The following CNTN5 variants were observed in gnomAD, a reference collection of about 807,000 sequenced individuals.
CNTN5 encodes the protein contactin 5, also known as contactin-5.
CNTN5 carries 77 observed loss-of-function variants against 129.1 expected under a neutral mutation model. That is an observed-to-expected ratio of 0.60 (90% CI 0.50 to 0.72). The LOEUF (loss-of-function observed/expected upper bound fraction) is 0.72, where lower values mean the gene tolerates loss of function less well. CNTN5 is among the 30% of genes least tolerant of loss of function. The pLI is 0.00. For missense variants in CNTN5, 1,478 were observed against 1,328.8 expected, an observed-to-expected ratio of 1.11 and a Z score of -1.75; for synonymous variants, 509 against 465.6, an observed-to-expected ratio of 1.09 and a Z score of -1.20.
intron 6 of CNTN5, among the ~76,000 whole-genome samples, chr11:99,890,104 G>T (rs1309217518): frequency 2.0e-5 from 3 of 151,866 alleles, no homozygotes; most frequent in Non-Finnish European, 4.4e-5. Context: ...ACTTATGTTG[G>T]GTTTCCCCTC....
chr11:99,750,527 A>C (rs1023456347), intron 3 of CNTN5, among the ~76,000 whole-genome samples: 1 of 148,262 alleles, frequency 6.7e-6, no homozygotes, highest in Admixed American at 6.9e-5. Flanking sequence ...TCTGAGAGCT[A>C]AGATAGAAGA....
At chr11:99,347,138 C>T (rs1367817951) in intron 2 of CNTN5, among the ~76,000 whole-genome samples, 3 of 152,152 alleles carry the variant, frequency 2.0e-5, no homozygotes, top group Admixed American at 1.3e-4. Context: ...TCCCTGATTC[C>T]TTCAAGTAGT....
intron 3 of CNTN5, among the ~76,000 whole-genome samples, chr11:99,633,683 C>T (rs1319248236): frequency 6.6e-6 from 1 of 152,130 alleles, no homozygotes; most frequent in African/African-American, 2.4e-5. Context: ...ACCCTCGGTG[C>T]TATAAAGCCA....
intron 13 of CNTN5, among the ~76,000 whole-genome samples, chr11:100,134,278 C>T (rs1437027157): frequency 6.6e-6 from 1 of 152,028 alleles, no homozygotes; most frequent in Non-Finnish European, 1.5e-5. Context: ...AGGCTGTAAA[C>T]CCTTGAGGAT....
At chr11:99,760,477 AT>A (rs1944541958) in intron 3 of CNTN5, among the ~76,000 whole-genome samples, 1 of 152,162 alleles carries the variant, frequency 6.6e-6, no homozygotes, top group Admixed American at 6.6e-5. Flanking sequence ...TAATGGAATC[AT>A]ACACTTTGGG....
intron 1 of CNTN5, among the ~76,000 whole-genome samples, chr11:99,270,777 C>G (rs1483700588): frequency 6.6e-6 from 1 of 151,992 alleles, no homozygotes; most frequent in Non-Finnish European, 1.5e-5. Flanking sequence ...TCCAAATCCA[C>G]TTTGAAACAT....
At chr11:99,641,443 G>A (rs1208014159) in intron 3 of CNTN5, among the ~76,000 whole-genome samples, 1 of 152,168 alleles carries the variant, frequency 6.6e-6, no homozygotes, top group Admixed American at 6.5e-5. Flanking sequence ...AAGGGAACAG[G>A]TAGAAGTTCT....
In CNTN5 at chr11:99,643,439, T is replaced by A. The variant is rs182605362; in HGVS notation, c.55+87170T>A. On this transcript the variant is annotated intron_variant, in intron 3 of 24. Transcript: ENST00000524871. ...ATTTGTAATTCCAGCAATGTATTAT[T>A]CTGGAAACTCTTCTACTACTTGGTA... Among the ~76,000 whole-genome samples, 18 of 152,294 alleles carry A rather than the reference T, an allele frequency of 1.2e-4. No homozygotes were observed. The East Asian group carries it at 3.5e-3, about 29-fold the overall frequency.
At chr11:99,385,335 G>C (rs1214169476) in intron 2 of CNTN5, among the ~76,000 whole-genome samples, 2 of 151,840 alleles carry the variant, frequency 1.3e-5, no homozygotes, top group Non-Finnish European at 2.9e-5. Context: ...CTCACTGCCA[G>C]TCTCAAAAGT....
chr11:99,383,548 T>C (rs1940733228), intron 2 of CNTN5, among the ~76,000 whole-genome samples: 1 of 152,096 alleles, frequency 6.6e-6, no homozygotes, highest in Non-Finnish European at 1.5e-5. Context: ...CGATACCTGC[T>C]CGTGGTTGAT....
intron 3 of CNTN5, among the ~76,000 whole-genome samples, chr11:99,733,190 A>T (rs1253801441): frequency 6.6e-6 from 1 of 151,774 alleles, no homozygotes; most frequent in Non-Finnish European, 1.5e-5. Context: ...GAGCATGGTG[A>T]GGGGTGCCTG....
intron 3 of CNTN5, among the ~76,000 whole-genome samples, chr11:99,782,694 C>G (rs1014454461): frequency 1.3e-5 from 2 of 151,864 alleles, no homozygotes; most frequent in African/African-American, 4.8e-5. Context: ...ACTATCTGAT[C>G]TTTGACAAAC....
At chr11:99,655,910 A>G (rs1952339331) in intron 3 of CNTN5, among the ~76,000 whole-genome samples, 1 of 152,072 alleles carries the variant, frequency 6.6e-6, no homozygotes, top group African/African-American at 2.4e-5. Flanking sequence ...GCTCCACAAT[A>G]ATACACGCAT....
chr11:99,792,573 GTGTC>G (rs1555113491), intron 3 of CNTN5, among the ~76,000 whole-genome samples: 13 of 116,682 alleles, frequency 1.1e-4, no homozygotes, highest in South Asian at 8.6e-4. Flanking sequence ...GTGTGTGTGT[GTGTC>G]TGTCTGTCTG....
rs542007767 is a variant in CNTN5 at position 100,006,143 on chromosome 11, A to C, written c.980+4007A>C. Among the ~76,000 whole-genome samples, 4 of 152,292 alleles carry C rather than the reference A, an allele frequency of 2.6e-5. 1 individual carries two copies. The South Asian group carries it at 8.3e-4, about 32-fold the overall frequency. ...TTACATGCCTGGCTTACATACATACAACAATTTACACACGTTGATTTAAAA... is the reference window on the plus strand; with the variant it reads ...TTACATGCCTGGCTTACATACATACCACAATTTACACACGTTGATTTAAAA... On this transcript the variant is annotated intron_variant, in intron 9 of 24. Coordinates refer to ENST00000524871, the MANE Select transcript of CNTN5 (RefSeq NM_014361.4).
At chr11:99,156,074 T>C (rs932494572) in intron 1 of CNTN5, among the ~76,000 whole-genome samples, 3 of 152,058 alleles carry the variant, frequency 2.0e-5, no homozygotes, top group Non-Finnish European at 4.4e-5. Flanking sequence ...AATGCCTAGA[T>C]ACCTGATCAT....
At chr11:99,739,173 T>C (rs150018803) in intron 3 of CNTN5, among the ~76,000 whole-genome samples, 412 of 152,234 alleles carry the variant, frequency 2.7e-3, no homozygotes, top group African/African-American at 9.3e-3. Context: ...TAGAGCATAA[T>C]TGTTATTCCC....
intron 1 of CNTN5, among the ~76,000 whole-genome samples, chr11:99,227,222 T>C (rs890586533): frequency 5.3e-5 from 8 of 151,844 alleles, no homozygotes; most frequent in African/African-American, 1.7e-4. Context: ...TAGCCAGGTG[T>C]GGTGGCGCTT....
chr11:99,771,344 G>T lies in CNTN5; in HGVS notation c.56-48200G>T, dbSNP rs185199615. ...CCTAAATGCCCATCAACTGATGAAT[G>T]AATAAAGTAAACGTGAAATAAATAC... On this transcript the variant is annotated intron_variant, in intron 3 of 24. Coordinates refer to ENST00000524871, the MANE Select transcript of CNTN5 (RefSeq NM_014361.4). 2.6e-3 allele frequency among the ~76,000 whole-genome samples: 401 copies of T among 151,858 alleles called. 8 individuals are homozygous for T. In the East Asian group the frequency reaches 0.04, roughly 15 times the overall value.
Sources: gnomAD v4.1 joint callset for allele counts (sites outside exome capture counted in the v4.1 genomes callset) on GRCh38, gnomAD v4.1.1 for gene constraint, MANE v1.5 for transcripts, NCBI Gene and HGNC (gene_info 2026-07-23, HGNC 2026-07-21) for gene names.